Variants in ITPR1 observed in about 807,000 individuals in gnomAD.
ITPR1 encodes inositol 1,4,5-trisphosphate-gated calcium channel ITPR1.
In ITPR1, 96 loss-of-function variants were observed where a neutral mutation model predicts 318.4. The ratio of observed to expected loss-of-function variants is 0.30; its 90% CI spans 0.26 to 0.36. ITPR1 has a LOEUF of 0.36. Ranked by LOEUF, ITPR1 falls within the 10% of genes least tolerant of loss-of-function variation. ITPR1 has a pLI of 1.00. For synonymous variants in ITPR1, 1,312 were observed against 1,289.9 expected, an observed-to-expected ratio of 1.02 and a Z score of -0.37; for missense variants, 2,440 against 3,460.2, an observed-to-expected ratio of 0.71 and a Z score of 7.40.
At chr3:4,649,504 T>G (rs529525444) in intron 10 of ITPR1, among the ~76,000 whole-genome samples, 215 of 152,314 alleles carry the variant, frequency 1.4e-3, no homozygotes, top group African/African-American at 4.8e-3. Flanking sequence ...TCATTCCCTA[T>G]TTCCCCTTCA....
At chr3:4,703,044 C>G in intron 36 of ITPR1, 94 bp downstream of exon 36, 13 of 1,376,996 alleles carry the variant, frequency 9.4e-6, no homozygotes, top group Non-Finnish European at 1.3e-5. Flanking sequence ...TACAACTCTT[C>G]TAAAGTTACA....
rs2093821236 is a variant in ITPR1 at position 4,661,039 on chromosome 3, C to T, written c.1203C>T (p.Ser401=). 6.2e-7 allele frequency: 1 copy of T among 1,610,738 alleles called. No homozygotes were observed. The highest frequency in any genetic ancestry group is 8.5e-7 in the Non-Finnish European group (1 of 1,177,274). Residue 401 remains serine (S), a synonymous_variant, in exon 14 of 62, where the codon AGC becomes AGT. Coordinates refer to ENST00000649015, the MANE Select transcript of ITPR1 (RefSeq NM_001378452.1). ...RHLCTNTWVH[S]TNIPIDKEEE... is the part of the protein sequence containing the mutation. ...TATGTACTAATACCTGGGTTCACAG[C>T]ACAAATATTCCTATTGACAAGGAAG...
chr3:4,808,520 G>A (rs112933461), intron 55 of ITPR1, among the ~76,000 whole-genome samples: 2 of 152,290 alleles, frequency 1.3e-5, no homozygotes, highest in African/African-American at 2.4e-5. Flanking sequence ...TTTAGGAAAC[G>A]CAATAGGATC....
intron 30 of ITPR1, among the ~76,000 whole-genome samples, chr3:4,688,266 A>C (rs961051437): frequency 1.9e-5 from 1 of 53,802 alleles, no homozygotes. Flanking sequence ...TATTAGCCTT[A>C]CTCTGCAGTG....
At chr3:4,513,659 G>T (rs1469365243) in intron 2 of ITPR1, among the ~76,000 whole-genome samples, 1 of 152,172 alleles carries the variant, frequency 6.6e-6, no homozygotes, top group Non-Finnish European at 1.5e-5. Context: ...CAGAGCCATG[G>T]TAGAAAAATT....
At chr3:4,693,442 C>T in intron 32 of ITPR1, 48 bp from the exon 33 acceptor site, 4 of 1,590,220 alleles carry the variant, frequency 2.5e-6, no homozygotes, top group South Asian at 1.1e-5. Context: ...TTCATGCTGC[C>T]CCACCCCTGC....
chr3:4,818,598 T>A (rs1206753442), intron 60 of ITPR1, among the ~76,000 whole-genome samples: 1 of 152,174 alleles, frequency 6.6e-6, no homozygotes, highest in African/African-American at 2.4e-5. Flanking sequence ...TTTTTTCCCC[T>A]TTCTTTTTAA....
intron 4 of ITPR1, among the ~76,000 whole-genome samples, chr3:4,577,733 A>C (rs1471201370): frequency 6.6e-6 from 1 of 152,208 alleles, no homozygotes; most frequent in Non-Finnish European, 1.5e-5. Context: ...ACGTCACTGA[A>C]AAAAGGATAA....
rs1213387956 is a variant in ITPR1, at chr3:4,846,456, C to CT, written c.*237dup. 4 of 347,318 alleles carry CT rather than the reference C, an allele frequency of 1.2e-5. No homozygotes were observed. The highest frequency in any genetic ancestry group is 2.1e-5 in the Non-Finnish European group (4 of 193,396). 21.5% of individuals were successfully genotyped at this position (347,318 alleles called of 1,614,324 possible). On this transcript the variant is annotated 3_prime_UTR_variant, in exon 62 of 62. Transcript: ENST00000649015. ...TTTGTGCCAAAAATATTAAAAATGCCTTTTTTGGAAGGACTAACAGAAAGC... is the reference window on the plus strand; with the variant it reads ...TTTGTGCCAAAAATATTAAAAATGCCTTTTTTTGGAAGGACTAACAGAAAGC...
At chr3:4,583,510 T>C (rs935073555) in intron 4 of ITPR1, among the ~76,000 whole-genome samples, 2 of 152,168 alleles carry the variant, frequency 1.3e-5, no homozygotes, top group Non-Finnish European at 2.9e-5. Flanking sequence ...TTTCCGTTTG[T>C]AGTTTCTCAG....
intron 4 of ITPR1, among the ~76,000 whole-genome samples, chr3:4,532,299 T>C (rs1412559416): frequency 6.6e-6 from 1 of 152,244 alleles, no homozygotes; most frequent in African/African-American, 2.4e-5. Context: ...TGGAATCTTG[T>C]TAAAGTGTAG....
At chr3:4,740,636 G>C (rs2043632548) in intron 44 of ITPR1, among the ~76,000 whole-genome samples, 1 of 152,098 alleles carries the variant, frequency 6.6e-6, no homozygotes, top group Non-Finnish European at 1.5e-5. Flanking sequence ...CCCAGGGGTG[G>C]TGTCCCCAGG....
chr3:4,605,343 T>A (rs1221190869), intron 4 of ITPR1, among the ~76,000 whole-genome samples: 1 of 152,068 alleles, frequency 6.6e-6, no homozygotes, highest in African/African-American at 2.4e-5. Flanking sequence ...GGCAACTGAC[T>A]GCAGTACCTG....
At chr3:4,827,876 G>T (rs2050183502) in intron 60 of ITPR1, among the ~76,000 whole-genome samples, 2 of 152,108 alleles carry the variant, frequency 1.3e-5, no homozygotes, top group African/African-American at 4.8e-5. Flanking sequence ...TAGCTGTGTG[G>T]AACCTTTCTT....
intron 3 of ITPR1, among the ~76,000 whole-genome samples, chr3:4,520,555 A>AT (rs983713741): frequency 2.6e-5 from 4 of 151,142 alleles, no homozygotes; most frequent in African/African-American, 7.3e-5. Flanking sequence ...TTCTGGCTGT[A>AT]TTTTTTTTTC....
intron 44 of ITPR1, chr3:4,749,320 G>T (rs2044331868): frequency 6.6e-6 from 1 of 152,134 alleles, no homozygotes; most frequent in South Asian, 2.1e-4. Context: ...ATGCATTATT[G>T]TGGTTTTGAC....
At chr3:4,595,885 G>A (rs1172990383) in intron 4 of ITPR1, among the ~76,000 whole-genome samples, 1 of 152,144 alleles carries the variant, frequency 6.6e-6, no homozygotes, top group Non-Finnish European at 1.5e-5. Flanking sequence ...GGTCAGGTAT[G>A]GCTCTCATGT....
chr3:4,516,856 G>A lies in ITPR1; in HGVS notation c.92+273G>A, dbSNP rs566721357. On this transcript the variant is annotated intron_variant, in intron 3 of 61. Transcript: ENST00000649015. ...GCTTTTCCTTTCTATATAAAAGGGA[G>A]AGTGCCTTTATTCCACTATGGAATA... Among the ~76,000 whole-genome samples, 7 of 152,304 alleles carry A rather than the reference G, an allele frequency of 4.6e-5. No individual in the cohort carries two copies. In the South Asian group the frequency reaches 1.5e-3, roughly 32 times the overall value.
intron 44 of ITPR1, among the ~76,000 whole-genome samples, chr3:4,764,973 G>GATGGATGT (rs1444483930): frequency 1.4e-5 from 2 of 146,388 alleles, no homozygotes; most frequent in Non-Finnish European, 3.0e-5. Flanking sequence ...TGGATGGATG[G>GATGGATGT]ATGGATGGAT....
Sources: gnomAD v4.1 joint callset for allele counts (sites outside exome capture counted in the v4.1 genomes callset) on GRCh38, gnomAD v4.1.1 for gene constraint, MANE v1.5 for transcripts, NCBI Gene and HGNC (gene_info 2026-07-23, HGNC 2026-07-21) for gene names.